The following HDLBP variants were observed in gnomAD, a reference collection of about 807,000 sequenced individuals.
The protein encoded by HDLBP is vigilin.
Under a neutral mutation model 137.3 loss-of-function variants are expected in HDLBP, and 30 were observed. That is an observed-to-expected ratio of 0.22 (90% CI 0.16 to 0.30). The LOEUF (loss-of-function observed/expected upper bound fraction) is 0.30. Among genes scored for constraint, HDLBP ranks in the 10% least tolerant of loss-of-function variants. The pLI, the probability that HDLBP is intolerant of heterozygous loss-of-function variation, is 1.00. For synonymous variants in HDLBP, 606 were observed against 596.0 expected, an observed-to-expected ratio of 1.02 and a Z score of -0.24; for missense variants, 1,119 against 1,667.3, an observed-to-expected ratio of 0.67 and a Z score of 5.73.
At chr2:241,284,053 A>G (rs371416031) in intron 1 of HDLBP, among the ~76,000 whole-genome samples, 1 of 152,204 alleles carries the variant, frequency 6.6e-6, no homozygotes, top group African/African-American at 2.4e-5. Context: ...TCCTTTCAAA[A>G]CATTACTGCT....
intron 5 of HDLBP, among the ~76,000 whole-genome samples, chr2:241,260,086 C>T (rs1023851498): frequency 6.6e-6 from 1 of 152,162 alleles, no homozygotes; most frequent in African/African-American, 2.4e-5. Context: ...TCACTGCAAC[C>T]TCTGCCTCCC....
Position 241,228,329 on chromosome 2 carries a change from G to A in HDLBP, c.*1272C>T, listed in dbSNP as rs1358035447. 2 of 152,394 alleles carry A rather than the reference G, an allele frequency of 1.3e-5. No individual in the cohort carries two copies. The highest frequency in any genetic ancestry group is 4.8e-5 in the African/African-American group (2 of 41,466). The allele number at this position is 152,394 out of a possible 1,614,324, so 9.4% of individuals were successfully genotyped here. A position where few individuals can be genotyped will look rare whatever the true frequency, so the allele number is the denominator to read the frequency against. ...GCATGACACAGATGCCTCCCTCGGA[G>A]AGCAGGGTCTCTCGGCATCCAGCGG... On this transcript the variant is annotated 3_prime_UTR_variant, in exon 28 of 28. Transcript: ENST00000310931.
rs2070300177 is a variant in HDLBP, at chr2:241,235,512, C to T, written c.2987G>A (p.Arg996His). The T allele has an allele frequency of 6.8e-6, 11 of 1,613,692 alleles. No individual in the cohort carries two copies. The highest frequency in any genetic ancestry group is 1.1e-5 in the South Asian group (1 of 91,076). The change falls in exon 22 of 28, where the codon CGC becomes CAC. Residue 996 changes from arginine to histidine, a missense_variant. Transcript: ENST00000310931. ...TACCTCAAACTCATCCATCATCTTG[C>T]GGATCCCACTTCCTTTCTGCCCAAT... ...YVIGQKGSGI[R>H]KMMDEFEVNI...
chr2:241,265,140 C>T (rs1209518349), intron 3 of HDLBP, among the ~76,000 whole-genome samples: 4 of 152,204 alleles, frequency 2.6e-5, no homozygotes, highest in Admixed American at 2.0e-4. Flanking sequence ...CCGTGGAGGC[C>T]GGGCGTGGTG....
chr2:241,286,079 T>C (rs887461247), intron 1 of HDLBP, among the ~76,000 whole-genome samples: 9 of 152,166 alleles, frequency 5.9e-5, no homozygotes, highest in African/African-American at 2.2e-4. Flanking sequence ...CTACACTGAT[T>C]ATGAGTTTCT....
chr2:241,256,473 T>C, intron 6 of HDLBP, 74 bp from the exon 7 acceptor site: 2 of 1,500,032 alleles, frequency 1.3e-6, no homozygotes, highest in Middle Eastern at 4.8e-4. Context: ...CTTTTTAGAG[T>C]TGGAGTCAAG....
At chr2:241,271,266 C>G in intron 1 of HDLBP, 2 of 377,744 alleles carry the variant, frequency 5.3e-6, no homozygotes, top group Non-Finnish European at 7.3e-6. Context: ...AAACCTCAAA[C>G]TATACTGAAC....
rs776491149 is a variant in HDLBP, at chr2:241,239,828, G to T, written c.2392-8C>A. On this transcript the variant is annotated splice_polypyrimidine_tract_variant and splice_region_variant and intron_variant, in intron 18 of 27. Coordinates refer to ENST00000310931, the MANE Select transcript of HDLBP (RefSeq NM_005336.6). This position sits in a 1 kb window ranked among gnomAD's most constrained non-coding sequence, Gnocchi z 4.6. ...GTCTTCCACCACATTATCCTGCAGT[G>T]TTAAGAAGAGATGGAAGATAAGCCA... 6.2e-7 allele frequency: 1 copy of T among 1,612,666 alleles called. No individual in the cohort carries two copies.
intron 1 of HDLBP, among the ~76,000 whole-genome samples, chr2:241,297,294 C>T (rs1446316157): frequency 6.6e-6 from 1 of 152,068 alleles, no homozygotes; most frequent in Non-Finnish European, 1.5e-5. Flanking sequence ...AGAGGAGCCT[C>T]GTTCCATACA....
intron 1 of HDLBP, among the ~76,000 whole-genome samples, chr2:241,303,817 T>C (rs1470156368): frequency 2.0e-5 from 3 of 152,192 alleles, no homozygotes; most frequent in Non-Finnish European, 4.4e-5. Flanking sequence ...GAATATTACT[T>C]CTTTTTTTGG....
At chr2:241,291,935 C>T (rs979600736) in intron 1 of HDLBP, among the ~76,000 whole-genome samples, 1 of 152,152 alleles carries the variant, frequency 6.6e-6, no homozygotes, top group Non-Finnish European at 1.5e-5. Context: ...CACCCAGATA[C>T]CCAGACTCTA....
intron 1 of HDLBP, among the ~76,000 whole-genome samples, chr2:241,300,950 C>CCAT (rs1413140174): frequency 8.3e-5 from 12 of 143,906 alleles, no homozygotes; most frequent in African/African-American, 2.6e-4. Context: ...TGCACACATA[C>CCAT]TATTATTATT....
chr2:241,282,915 GTC>G (rs1049454062), intron 1 of HDLBP, among the ~76,000 whole-genome samples: 2 of 152,118 alleles, frequency 1.3e-5, no homozygotes, highest in Non-Finnish European at 2.9e-5. Context: ...AGAGCTGCAC[GTC>G]TCTCATATTA....
intron 1 of HDLBP, among the ~76,000 whole-genome samples, chr2:241,299,736 A>G (rs944643478): frequency 6.6e-6 from 1 of 151,962 alleles, no homozygotes; most frequent in African/African-American, 2.4e-5. Context: ...TAACACGGTG[A>G]AACCCTATCT....
intron 8 of HDLBP, 80 bp from the exon 9 acceptor site, chr2:241,255,238 C>T (rs2149481098): frequency 6.9e-7 from 1 of 1,451,352 alleles, no homozygotes. Flanking sequence ...TCACCTGGGG[C>T]TCAGAGGCAC....
At chr2:241,307,874 AT>A (rs202170688) in intron 1 of HDLBP, among the ~76,000 whole-genome samples, 2,594 of 140,972 alleles carry the variant, frequency 0.018, 34 homozygotes, top group African/African-American at 0.045. Context: ...CCTTGAACTA[AT>A]TTTTTTTTTT....
In HDLBP at chr2:241,233,236, T is replaced by C. The variant is rs1228237355; in HGVS notation, c.3288+584A>G. ...GGGAAGTGTGTGCAAGAGGGGGTGT[T>C]GGGTGAGGCTGCCCTGCATGCCAGG... On this transcript the variant is annotated intron_variant, in intron 24 of 27. Transcript: ENST00000310931. The surrounding 1 kb of genome is among the most constrained non-coding windows in gnomAD (Gnocchi z 4.3). Among the ~76,000 whole-genome samples the C allele has an allele frequency of 6.6e-6, 1 of 151,896 alleles. No individual in the cohort carries two copies. Among genetic ancestry groups the C allele is most frequent in the Non-Finnish European group, 1.5e-5 (1 of 67,952 alleles).
intron 1 of HDLBP, among the ~76,000 whole-genome samples, chr2:241,290,811 G>A (rs1648778000): frequency 6.6e-6 from 1 of 152,118 alleles, no homozygotes; most frequent in African/African-American, 2.4e-5. Flanking sequence ...TCAGAGCGGC[G>A]GCCTAAGCAT....
chr2:241,259,709 A>G (rs1202371598), intron 5 of HDLBP, among the ~76,000 whole-genome samples: 1 of 152,206 alleles, frequency 6.6e-6, no homozygotes, highest in Non-Finnish European at 1.5e-5. Flanking sequence ...TCCTGTGCTC[A>G]TGCAATCTGC....
Sources: gnomAD v4.1 joint callset for allele counts (sites outside exome capture counted in the v4.1 genomes callset) on GRCh38, gnomAD v4.1.1 for gene constraint, Gnocchi (gnomAD v3.1) non-coding constraint, MANE v1.5 for transcripts, NCBI Gene and HGNC (gene_info 2026-07-23, HGNC 2026-07-21) for gene names.